The following TMEM38B variants were observed in gnomAD, a reference collection of about 807,000 sequenced individuals.
The protein encoded by TMEM38B is transmembrane protein 38B, also known as trimeric intracellular cation channel type B.
A neutral mutation model predicts 28.7 loss-of-function variants in TMEM38B; 24 were observed. The observed-to-expected ratio is 0.84, with a 90% CI of 0.61 to 1.18. The LOEUF is 1.18. Among genes scored for constraint, TMEM38B ranks in the 50% most tolerant of loss-of-function variants. The probability of loss-of-function intolerance (pLI) is 0.00; values close to 1 mark genes in which losing one functional copy is unlikely to be tolerated. For missense variants in TMEM38B, 380 were observed against 350.9 expected (o/e 1.08, Z -0.66); for synonymous variants, 131 against 127.7 (o/e 1.03, Z -0.17).
intron 4 of TMEM38B, 145 bp from the exon 5 acceptor site, chr9:105,747,928 C>G: frequency 3.5e-6 from 2 of 572,470 alleles, no homozygotes; most frequent in Non-Finnish European, 6.1e-6. Flanking sequence ...ACTTTCAACA[C>G]TTTTTAAAGT....
intron 5 of TMEM38B, among the ~76,000 whole-genome samples, chr9:105,763,804 T>C (rs1238482320): frequency 1.3e-5 from 2 of 151,760 alleles, no homozygotes; most frequent in Admixed American, 6.6e-5. Context: ...ACCAATATCC[T>C]TGATGAACAT....
At chr9:105,749,042 T>A (rs1300401376) in intron 5 of TMEM38B, 4 of 1,294,480 alleles carry the variant, frequency 3.1e-6, no homozygotes, top group Non-Finnish European at 4.1e-6. Context: ...TAGAATGAAG[T>A]CACTGTGTGA....
intron 5 of TMEM38B, chr9:105,759,894 C>T (rs10114077): frequency 0.13 from 202,728 of 1,593,058 alleles, 22,342 homozygotes; most frequent in African/African-American, 0.52. Context: ...GTTGTATCAA[C>T]ACACCAGTGG....
chr9:105,702,705 A>G (rs1434591082), intron 1 of TMEM38B: 1 of 152,020 alleles, frequency 6.6e-6, no homozygotes, highest in Non-Finnish European at 1.5e-5. Context: ...TTTTTGATAC[A>G]GGGTCTCACT....
chr9:105,712,169 C>T (rs1161582067), intron 2 of TMEM38B, among the ~76,000 whole-genome samples: 1 of 152,150 alleles, frequency 6.6e-6, no homozygotes, highest in African/African-American at 2.4e-5. Context: ...CCTGCATTGG[C>T]CTCCCAAGGT....
chr9:105,747,149 T>C (rs981796660), intron 4 of TMEM38B, among the ~76,000 whole-genome samples: 19 of 152,360 alleles, frequency 1.2e-4, no homozygotes, highest in African/African-American at 4.6e-4. Context: ...TCAGAAGGAA[T>C]GGTACCAGCT....
chr9:105,742,142 T>C (rs1161085729), intron 4 of TMEM38B, among the ~76,000 whole-genome samples: 3 of 152,314 alleles, frequency 2.0e-5, no homozygotes, highest in Admixed American at 2.0e-4. Flanking sequence ...TGTCAGACTT[T>C]TAAAATTCTG....
intron 4 of TMEM38B, among the ~76,000 whole-genome samples, chr9:105,723,215 C>T (rs1020047667): frequency 3.3e-5 from 5 of 152,130 alleles, no homozygotes; most frequent in East Asian, 1.9e-4. Context: ...TCTGAAGACA[C>T]TGACTTAGTC....
chr9:105,737,784 C>T (rs113292582), intron 4 of TMEM38B, among the ~76,000 whole-genome samples: 231 of 152,312 alleles, frequency 1.5e-3, no homozygotes, highest in African/African-American at 5.1e-3. Flanking sequence ...ACGTCAGCTC[C>T]GGTGCTGCTT....
chr9:105,704,258 G>A (rs927342703), intron 1 of TMEM38B, among the ~76,000 whole-genome samples: 1 of 152,108 alleles, frequency 6.6e-6, no homozygotes, highest in African/African-American at 2.4e-5. Flanking sequence ...TTAGCCTGGT[G>A]TGGTGGCGCG....
At chr9:105,773,204 C>T (rs547471159) in intron 5 of TMEM38B, among the ~76,000 whole-genome samples, 3 of 152,072 alleles carry the variant, frequency 2.0e-5, no homozygotes, top group Non-Finnish European at 2.9e-5. Flanking sequence ...GTGCATTTTG[C>T]CACATAAAGG....
Position 105,694,664 on chromosome 9 carries a change from G to T in TMEM38B, c.4G>T (p.Asp2Tyr). Reference sequence around the variant, plus strand: ...GTTGCCGCGGTCGGTGGTCGTTATGGATTCTCCATGGGACGAGTTGGCTCT... The same window carrying T: ...GTTGCCGCGGTCGGTGGTCGTTATGTATTCTCCATGGGACGAGTTGGCTCT... M[D>Y]SPWDELALAF... Residue 2 changes from aspartate to tyrosine, a missense_variant, in exon 1 of 6, where the codon GAT (aspartate) becomes TAT (tyrosine). Coordinates refer to ENST00000374692, the MANE Select transcript of TMEM38B (RefSeq NM_018112.3). The T allele has an allele frequency of 6.2e-7, 1 of 1,613,604 alleles. No homozygotes were observed. Among genetic ancestry groups the T allele is most frequent in the Non-Finnish European group, 8.5e-7 (1 of 1,179,660 alleles).
At chr9:105,746,142 A>T (rs1787582527) in intron 4 of TMEM38B, among the ~76,000 whole-genome samples, 2 of 152,096 alleles carry the variant, frequency 1.3e-5, no homozygotes, top group African/African-American at 4.8e-5. Flanking sequence ...CTTGATGGGG[A>T]TGGCATTGAA....
chr9:105,750,426 C>A (rs1353207932), intron 5 of TMEM38B, among the ~76,000 whole-genome samples: 2 of 152,020 alleles, frequency 1.3e-5, no homozygotes, highest in African/African-American at 2.4e-5. Context: ...GAGTTTGAGA[C>A]CAGACTAGCC....
At chr9:105,745,790 T>C (rs1837368197) in intron 4 of TMEM38B, among the ~76,000 whole-genome samples, 1 of 152,238 alleles carries the variant, frequency 6.6e-6, no homozygotes. Context: ...ATTTCAGTTT[T>C]CTACATATGG....
intron 5 of TMEM38B, chr9:105,759,686 T>C: frequency 1.3e-6 from 2 of 1,599,540 alleles, no homozygotes; most frequent in South Asian, 1.1e-5. Context: ...AAACTGTTTT[T>C]AGAGTCTAAG....
In TMEM38B at chr9:105,776,346, G is replaced by C. The variant is rs888304330; in HGVS notation, c.*2266G>C. On this transcript the variant is annotated 3_prime_UTR_variant, in exon 6 of 6. Coordinates refer to ENST00000374692, the MANE Select transcript of TMEM38B (RefSeq NM_018112.3). The stretch of plus-strand genomic sequence containing the variant: ...GAGGGAGTATCAAGTAAGGGCTGGA[G>C]AGAGACCAGATATGTGGAGTTGTTG... The C allele has an allele frequency of 2.0e-5, 3 of 152,188 alleles. No homozygotes were observed. The highest frequency in any genetic ancestry group is 2.0e-4 in the Admixed American group (3 of 15,272). 9.4% of individuals were successfully genotyped at this position (152,188 alleles called of 1,614,324 possible). A position where few individuals can be genotyped will look rare whatever the true frequency, so the allele number is the denominator to read the frequency against.
chr9:105,772,974 T>C (rs1283989956), intron 5 of TMEM38B, among the ~76,000 whole-genome samples: 2 of 152,150 alleles, frequency 1.3e-5, no homozygotes, highest in African/African-American at 4.8e-5. Context: ...AATTTATTCT[T>C]GATACCATTT....
intron 5 of TMEM38B, among the ~76,000 whole-genome samples, chr9:105,772,921 A>G (rs1826602771): frequency 6.6e-6 from 1 of 152,138 alleles, no homozygotes; most frequent in African/African-American, 2.4e-5. Context: ...TGATGAATAT[A>G]TACTTTTCTT....
Sources: allele counts gnomAD v4.1 joint callset (sites outside exome capture counted in the v4.1 genomes callset), GRCh38; gene constraint gnomAD v4.1.1; transcripts MANE v1.5; gene names NCBI Gene and HGNC (gene_info 2026-07-23, HGNC 2026-07-21).